STK3: variants seen among roughly 807,000 people sequenced by gnomAD.
STK3 encodes serine/threonine kinase 3.
STK3 carries 41 observed loss-of-function variants against 58.0 expected under a neutral mutation model. That is an observed-to-expected ratio of 0.71 (90% CI 0.55 to 0.92). The LOEUF (loss-of-function observed/expected upper bound fraction) is 0.92, where lower values mean the gene tolerates loss of function less well. STK3 is among the 40% of genes least tolerant of loss of function. The pLI is 0.00. For missense variants in STK3, 479 were observed against 602.7 expected (o/e 0.79, Z 2.15); for synonymous variants, 170 against 191.0 (o/e 0.89, Z 0.91).
intron 9 of STK3, among the ~76,000 whole-genome samples, chr8:98,540,420 C>G (rs1810147717): frequency 1.3e-5 from 2 of 152,190 alleles, no homozygotes; most frequent in South Asian, 4.1e-4. Flanking sequence ...CAGGGTTTAT[C>G]TTGTAAATCA....
At chr8:98,510,667 T>A (rs1286238235) in intron 10 of STK3, among the ~76,000 whole-genome samples, 1 of 151,748 alleles carries the variant, frequency 6.6e-6, no homozygotes, top group African/African-American at 2.4e-5. Flanking sequence ...AAATTTCTCT[T>A]ATAAATAAGT....
intron 6 of STK3, among the ~76,000 whole-genome samples, chr8:98,700,098 G>A (rs1043330861): frequency 3.6e-4 from 55 of 152,282 alleles, no homozygotes; most frequent in Non-Finnish European, 4.7e-4. Flanking sequence ...CCTCGCTGCC[G>A]CCTTGCAGTT....
At chr8:98,582,455 T>TTTCC in intron 7 of STK3, among the ~76,000 whole-genome samples, 1 of 152,142 alleles carries the variant, frequency 6.6e-6, no homozygotes, top group South Asian at 2.1e-4. Context: ...TATTCTCCTA[T>TTTCC]ATTAACCCCT....
chr8:98,873,772 C>T (rs925329650), intron 3 of STK3, among the ~76,000 whole-genome samples: 3 of 152,072 alleles, frequency 2.0e-5, no homozygotes. Context: ...ATACAGCACA[C>T]TGATGGGTCT....
intron 3 of STK3, among the ~76,000 whole-genome samples, chr8:98,831,959 CAAAATGATTTTTAAAACAAGAAGACTAG>C: frequency 6.6e-6 from 1 of 152,148 alleles, no homozygotes; most frequent in East Asian, 1.9e-4. Context: ...AGTAACAACT[CAAAATGATTTTTAAAACAAGAAGACTAG>C]AAGGAGGTGT....
Position 98,714,050 on chromosome 8 carries a change from T to C in STK3, c.352-6739A>G, listed in dbSNP as rs562561559. On this transcript the variant is annotated intron_variant, in intron 4 of 10. Transcript: ENST00000419617. ...AAAACCACATGATTATCTCAATAGA[T>C]GCAGAAAAGGCCTTTGACAAAATTC... 6.8e-3 allele frequency among the ~76,000 whole-genome samples: 1,034 copies of C among 152,338 alleles called. 8 individuals are homozygous for C. The highest frequency in any genetic ancestry group is 0.023 in the African/African-American group (970 of 41,574).
intron 4 of STK3, among the ~76,000 whole-genome samples, chr8:98,738,396 C>G (rs1828811396): frequency 2.0e-5 from 3 of 152,120 alleles, no homozygotes; most frequent in African/African-American, 7.2e-5. Flanking sequence ...TCACTTGAAT[C>G]TGGGAGGCGG....
chr8:98,791,458 T>C (rs1832797454), intron 1 of STK3, among the ~76,000 whole-genome samples: 3 of 152,116 alleles, frequency 2.0e-5, no homozygotes, highest in African/African-American at 4.8e-5. Flanking sequence ...TTCACAGAAT[T>C]AGAAAAAACA....
At position 98,800,558 on chromosome 8, in the gene STK3, G is replaced by A. The variant is rs560313106; in HGVS notation, c.26+24957C>T. The stretch of plus-strand genomic sequence containing the variant: ...CTCTGGGCTGGCCAAGGCCGGAGCC[G>A]GCTCCCTCTGCTTGCGGGAAGGTGT... On this transcript the variant is annotated intron_variant, in intron 1 of 10. Transcript: ENST00000419617. The surrounding 1 kb of genome is among the most constrained non-coding windows in gnomAD (Gnocchi z 4.8). Among the ~76,000 whole-genome samples the A allele has an allele frequency of 7.9e-5, 12 of 152,328 alleles. No individual in the cohort carries two copies. The highest frequency in any genetic ancestry group is 3.4e-3 in the Middle Eastern group (1 of 294).
chr8:98,814,350 A>ATTTTTTTTT (rs34675136), intron 1 of STK3, among the ~76,000 whole-genome samples: 1 of 134,928 alleles, frequency 7.4e-6, no homozygotes. Flanking sequence ...CGCGCCCAGC[A>ATTTTTTTTT]TTTTTTTTTT....
intron 3 of STK3, among the ~76,000 whole-genome samples, chr8:98,750,092 C>A (rs543658165): frequency 1.3e-5 from 2 of 151,920 alleles, no homozygotes; most frequent in Non-Finnish European, 2.9e-5. Context: ...TCAAAAAATG[C>A]ATAGAGATAG....
At chr8:98,760,500 A>C (rs775771897) in intron 3 of STK3, among the ~76,000 whole-genome samples, 2 of 152,174 alleles carry the variant, frequency 1.3e-5, no homozygotes, top group African/African-American at 2.4e-5. Context: ...ACTGGGTGGA[A>C]GAACCAGGAA....
intron 1 of STK3, among the ~76,000 whole-genome samples, chr8:98,888,233 C>T (rs1165226294): frequency 6.6e-6 from 1 of 152,104 alleles, no homozygotes; most frequent in Admixed American, 6.5e-5. Flanking sequence ...GCAGGAGAAT[C>T]GCTTGAACCT....
At chr8:98,638,892 T>C (rs1200169264) in intron 6 of STK3, among the ~76,000 whole-genome samples, 3 of 152,180 alleles carry the variant, frequency 2.0e-5, no homozygotes, top group Non-Finnish European at 2.9e-5. Context: ...GTTGGTTATA[T>C]AAAAATCTTA....
the STK3 span, among the ~76,000 whole-genome samples, chr8:98,355,815 G>A: frequency 2.0e-5 from 3 of 152,208 alleles, no homozygotes; most frequent in East Asian, 5.8e-4. Context: ...TCTGCTTTCT[G>A]GATGGGTAGA....
chr8:98,463,431 G>A (rs1448728264), intron 10 of STK3, among the ~76,000 whole-genome samples: 2 of 151,676 alleles, frequency 1.3e-5, no homozygotes, highest in Non-Finnish European at 2.9e-5. Flanking sequence ...TCAGTTACTA[G>A]CTCTTGTATA....
At chr8:98,385,574 G>T (rs1467864223) in intron 1 of STK3, among the ~76,000 whole-genome samples, 1 of 152,122 alleles carries the variant, frequency 6.6e-6, no homozygotes. Flanking sequence ...GGGCGTCTCA[G>T]CTGGTGCCTG....
intron 2 of STK3, among the ~76,000 whole-genome samples, chr8:98,773,777 T>G (rs933634928): frequency 1.3e-5 from 2 of 150,970 alleles, no homozygotes; most frequent in Non-Finnish European, 2.9e-5. Flanking sequence ...CTTATTTTTA[T>G]TTTTTATTTA....
chr8:98,758,276 G>C (rs1319798011), intron 3 of STK3, among the ~76,000 whole-genome samples: 1 of 152,212 alleles, frequency 6.6e-6, no homozygotes, highest in South Asian at 2.1e-4. Flanking sequence ...CTGAGGAAGA[G>C]AGACTCCTCC....
Sources: gnomAD v4.1 joint callset for allele counts (sites outside exome capture counted in the v4.1 genomes callset) on GRCh38, gnomAD v4.1.1 for gene constraint, Gnocchi (gnomAD v3.1) non-coding constraint, MANE v1.5 for transcripts, NCBI Gene and HGNC (gene_info 2026-07-23, HGNC 2026-07-21) for gene names.